The following KIDINS220 variants were observed in gnomAD, a reference collection of about 807,000 sequenced individuals.
KIDINS220 encodes kinase D-interacting substrate of 220 kDa.
In KIDINS220, 63 loss-of-function variants were observed where a neutral mutation model predicts 157.6. That is an observed-to-expected ratio of 0.40 (90% CI 0.33 to 0.49). The LOEUF (loss-of-function observed/expected upper bound fraction) is 0.49. Among genes scored for constraint, KIDINS220 ranks in the 20% least tolerant of loss-of-function variants. KIDINS220 has a pLI of 0.66. For synonymous variants in KIDINS220, 732 were observed against 783.6 expected (o/e 0.93, Z 1.10); for missense variants, 1,772 against 2,171.2 (o/e 0.82, Z 3.65).
chr2:8,756,626 G>A (rs1358167888), intron 22 of KIDINS220, among the ~76,000 whole-genome samples: 1 of 152,176 alleles, frequency 6.6e-6, no homozygotes, highest in African/African-American at 2.4e-5. Flanking sequence ...GTTCTGGTAA[G>A]GGCCTTCTTT....
intron 11 of KIDINS220, chr2:8,794,380 CTA>C (rs1673620561): frequency 6.4e-6 from 1 of 155,910 alleles, no homozygotes; most frequent in Non-Finnish European, 1.4e-5. Flanking sequence ...AATTTAAATT[CTA>C]TTTCACAGCT....
intron 4 of KIDINS220, among the ~76,000 whole-genome samples, chr2:8,814,440 G>C (rs913865548): frequency 6.6e-6 from 1 of 152,140 alleles, no homozygotes; most frequent in Non-Finnish European, 1.5e-5. Flanking sequence ...GAAAGATATA[G>C]ATAGATATAT....
At chr2:8,805,371 A>C (rs1390544631) in intron 7 of KIDINS220, among the ~76,000 whole-genome samples, 1 of 152,176 alleles carries the variant, frequency 6.6e-6, no homozygotes, top group African/African-American at 2.4e-5. Context: ...TGTGAGTTCC[A>C]ACCCTCTGAG....
intron 1 of KIDINS220, among the ~76,000 whole-genome samples, chr2:8,834,512 G>A (rs567977850): frequency 6.6e-6 from 1 of 151,088 alleles, no homozygotes; most frequent in South Asian, 2.1e-4. Flanking sequence ...CTACTTTAAA[G>A]GTCTTCTTTA....
intron 8 of KIDINS220, among the ~76,000 whole-genome samples, chr2:8,802,530 GA>G (rs1358378179): frequency 6.6e-6 from 1 of 152,212 alleles, no homozygotes; most frequent in Non-Finnish European, 1.5e-5. Flanking sequence ...GAGAATGAGG[GA>G]AAGCAGGTTT....
chr2:8,788,147 G>A (rs7558344), intron 15 of KIDINS220, among the ~76,000 whole-genome samples: 8,393 of 152,194 alleles, frequency 0.055, 784 homozygotes, highest in African/African-American at 0.19. Context: ...ATCCTTTAAC[G>A]TACAGGAGGG....
chr2:8,809,630 C>T (rs1676003164), intron 6 of KIDINS220, among the ~76,000 whole-genome samples: 1 of 151,584 alleles, frequency 6.6e-6, no homozygotes, highest in African/African-American at 2.4e-5. Flanking sequence ...AGCCCTGGAT[C>T]ACCGGCAACC....
At chr2:8,744,402 ATATATATATATATATATATAT>A (rs1666240915) in intron 26 of KIDINS220, among the ~76,000 whole-genome samples, 3 of 3,392 alleles carry the variant, frequency 8.8e-4, no homozygotes, top group African/African-American at 2.6e-3. Flanking sequence ...TATATATATA[ATATATATATATATATATATAT>A]ATATATATAT....
chr2:8,757,791 TG>T, intron 22 of KIDINS220: 2 of 1,605,934 alleles, frequency 1.2e-6, no homozygotes, highest in Non-Finnish European at 1.7e-6. Context: ...ACAGCATCTG[TG>T]TTTGAATAAT....
rs763447390 is a variant in KIDINS220 at position 8,747,918 on chromosome 2, G to A, written c.3497C>T (p.Thr1166Met). Residue 1166 changes from threonine (T) to methionine (M), a missense_variant, in exon 25 of 30, where the codon ACG becomes ATG. Coordinates refer to ENST00000256707, the MANE Select transcript of KIDINS220 (RefSeq NM_020738.4). ...QHLISRPSVK[T>M]SLPRDQNNGL... is the part of the protein sequence containing the mutation. ...ATTGTTCTGATCTCTGGGCAAACTC[G>A]TTTTTACTGATGGACGTGAGATGAG... 1.4e-5 allele frequency: 23 copies of A among 1,605,478 alleles called. No individual in the cohort carries two copies. The highest frequency in any genetic ancestry group is 1.3e-4 in the South Asian group (12 of 89,734).
chr2:8,764,810 C>T (rs1669244868), intron 22 of KIDINS220, among the ~76,000 whole-genome samples: 1 of 152,196 alleles, frequency 6.6e-6, no homozygotes, highest in South Asian at 2.1e-4. Flanking sequence ...TTCAGAAATA[C>T]CCACTACTGC....
Position 8,730,261 on chromosome 2 carries a change from G to A in KIDINS220, c.*459C>T. On this transcript the variant is annotated 3_prime_UTR_variant, in exon 30 of 30. Coordinates refer to ENST00000256707, the MANE Select transcript of KIDINS220 (RefSeq NM_020738.4). ...GCCTCTCCCTGTAGCGTCACAGGCT[G>A]TGCACTCACCTAGGTGAGCCCCTAA... 1 of 993,410 alleles carries A rather than the reference G, an allele frequency of 1.0e-6. No individual in the cohort carries two copies. The highest frequency in any genetic ancestry group is 1.2e-6 in the Non-Finnish European group (1 of 835,390). 61.5% of individuals were successfully genotyped at this position (993,410 alleles called of 1,614,324 possible). A position where few individuals can be genotyped will look rare whatever the true frequency, so the allele number is the denominator to read the frequency against.
chr2:8,799,715 C>A (rs2148317408), intron 9 of KIDINS220, among the ~76,000 whole-genome samples: 1 of 152,274 alleles, frequency 6.6e-6, no homozygotes, highest in Non-Finnish European at 1.5e-5. Flanking sequence ...TAGTTTGATT[C>A]AAAAATGGAT....
rs768623738 is a variant in KIDINS220 at position 8,778,995 on chromosome 2, G to A, written c.2515C>T (p.His839Tyr). 1 of 1,614,120 alleles carries A rather than the reference G, an allele frequency of 6.2e-7. No homozygotes were observed. Among genetic ancestry groups the A allele is most frequent in the South Asian group, 1.1e-5 (1 of 91,078 alleles). Residue 839 changes from histidine to tyrosine, a missense_variant, in exon 19 of 30, where the codon CAC (histidine) becomes TAC (tyrosine). This residue lies in a region of KIDINS220 where 725 missense variants were observed against 1,017.1 expected (regional missense o/e 0.71). Coordinates refer to ENST00000256707, the MANE Select transcript of KIDINS220 (RefSeq NM_020738.4). The part of the protein sequence containing the change: ...NGHDYMRNIV[H>Y]LPVFLNSRGL... ...CGACTATTAAGGAACACAGGCAAGT[G>A]GACTATGTTGCGCATGTAGTCATGG...
Position 8,793,848 on chromosome 2 carries a change from C to T in KIDINS220, c.1238G>A (p.Ser413Asn), listed in dbSNP as rs1292752665. ...AGETPYNIDC[S>N]HQKSILTQIF... Reference sequence around the variant, plus strand: ...TTGAGTTAAAATACTCTTCTGATGGCTACAGTCAATATTATAAGGAGTCTC... The same window carrying T: ...TTGAGTTAAAATACTCTTCTGATGGTTACAGTCAATATTATAAGGAGTCTC... The change falls in exon 12 of 30, where the codon AGC becomes AAC. Residue 413 changes from serine (S) to asparagine (N), a missense_variant. By Grantham distance (46) the Ser-to-Asn change is conservative. Around this residue, in one of 3 missense-constraint regions of KIDINS220, gnomAD observed 725 missense variants for 1,017.1 expected, o/e 0.71. Transcript: ENST00000256707. The T allele has an allele frequency of 6.2e-7, 1 of 1,611,094 alleles. No individual in the cohort carries two copies. Among genetic ancestry groups the T allele is most frequent in the South Asian group, 1.1e-5 (1 of 90,222 alleles).
chr2:8,757,493 G>C, intron 22 of KIDINS220: 1 of 1,402,610 alleles, frequency 7.1e-7, no homozygotes, highest in South Asian at 1.5e-5. Context: ...CATTTCAGAG[G>C]AGCAGAAGTG....
downstream of KIDINS220, chr2:8,721,285 CA>C (rs1408624486): frequency 2.0e-5 from 3 of 152,098 alleles, no homozygotes; most frequent in African/African-American, 7.2e-5. Context: ...GCAAGTGTAT[CA>C]AAGCTAGATG....
chr2:8,738,904 T>C (rs1274733364), intron 26 of KIDINS220, among the ~76,000 whole-genome samples: 1 of 152,228 alleles, frequency 6.6e-6, no homozygotes, highest in Admixed American at 6.5e-5. Flanking sequence ...AGAATAGCAT[T>C]TTTTGCATCT....
At chr2:8,834,727 T>C (rs1005648731) in intron 1 of KIDINS220, among the ~76,000 whole-genome samples, 2 of 152,332 alleles carry the variant, frequency 1.3e-5, no homozygotes, top group Non-Finnish European at 2.9e-5. Context: ...CCACCTGTAA[T>C]GCCTGACCCA....
Sources: allele counts gnomAD v4.1 joint callset (sites outside exome capture counted in the v4.1 genomes callset), GRCh38; gene constraint gnomAD v4.1.1; regional missense constraint gnomAD v4.1.1; transcripts MANE v1.5; gene names NCBI Gene and HGNC (gene_info 2026-07-23, HGNC 2026-07-21).